NRXN3: variants seen among roughly 807,000 people sequenced by gnomAD.
NRXN3 encodes neurexin III.
A neutral mutation model predicts 137.6 loss-of-function variants in NRXN3; 32 were observed. That is an observed-to-expected ratio of 0.23 (90% CI 0.18 to 0.31). The LOEUF is 0.31. NRXN3 is among the 10% of genes least tolerant of loss of function. The pLI, the probability that NRXN3 is intolerant of heterozygous loss-of-function variation, is 1.00. For missense variants in NRXN3, 1,574 were observed against 2,062.5 expected, an observed-to-expected ratio of 0.76 and a Z score of 4.59; for synonymous variants, 798 against 784.5, an observed-to-expected ratio of 1.02 and a Z score of -0.29.
intron 4 of NRXN3, among the ~76,000 whole-genome samples, chr14:78,490,528 T>G (rs1033237326): frequency 1.3e-5 from 2 of 152,222 alleles, no homozygotes; most frequent in African/African-American, 4.8e-5. Flanking sequence ...TGTCCCCATG[T>G]CCTGCCTCAG....
chr14:79,324,881 A>G (rs2090619138), intron 15 of NRXN3, among the ~76,000 whole-genome samples: 1 of 152,224 alleles, frequency 6.6e-6, no homozygotes, highest in Non-Finnish European at 1.5e-5. Context: ...ATATGTGCAT[A>G]TACATGTGTG....
chr14:79,044,192 C>A (rs138705731), intron 15 of NRXN3, among the ~76,000 whole-genome samples: 149 of 152,348 alleles, frequency 9.8e-4, no homozygotes, highest in African/African-American at 3.5e-3. Flanking sequence ...CTTTCAACAT[C>A]TATCTCTGAT....
chr14:78,845,816 T>C (rs2099025025), intron 10 of NRXN3, among the ~76,000 whole-genome samples: 1 of 152,038 alleles, frequency 6.6e-6, no homozygotes, highest in South Asian at 2.1e-4. Context: ...ATTATTTTCA[T>C]ATCTTCATAT....
intron 15 of NRXN3, among the ~76,000 whole-genome samples, chr14:79,070,404 C>T (rs1324389857): frequency 6.6e-6 from 1 of 152,196 alleles, no homozygotes; most frequent in African/African-American, 2.4e-5. Flanking sequence ...TGTGGCCACT[C>T]TTTGTCAGCT....
chr14:79,299,469 A>G (rs2084769341), intron 15 of NRXN3, among the ~76,000 whole-genome samples: 1 of 152,146 alleles, frequency 6.6e-6, no homozygotes, highest in African/African-American at 2.4e-5. Context: ...GCAACTACAG[A>G]CAATATGCAA....
At chr14:79,330,075 C>G (rs1433530115) in intron 15 of NRXN3, among the ~76,000 whole-genome samples, 1 of 151,952 alleles carries the variant, frequency 6.6e-6, no homozygotes, top group African/African-American at 2.4e-5. Context: ...CATGATCTGC[C>G]CGCCTCGGCC....
At chr14:78,341,292 G>A (rs1413179865) in intron 4 of NRXN3, among the ~76,000 whole-genome samples, 3 of 152,182 alleles carry the variant, frequency 2.0e-5, no homozygotes, top group Non-Finnish European at 4.4e-5. Context: ...ATCACCTGGA[G>A]ATTCTGGTTT....
chr14:78,635,338 G>T (rs1461536893), intron 4 of NRXN3, among the ~76,000 whole-genome samples: 1 of 152,116 alleles, frequency 6.6e-6, no homozygotes, highest in Admixed American at 6.5e-5. Flanking sequence ...CTAAATATCT[G>T]TATGAGTTTT....
chr14:79,823,856 A>AT (rs2099280294), intron 20 of NRXN3: 1 of 433,638 alleles, frequency 2.3e-6, no homozygotes, highest in Non-Finnish European at 4.7e-6. Flanking sequence ...AGGGCTCTAT[A>AT]TAGCTTAACA....
intron 10 of NRXN3, among the ~76,000 whole-genome samples, chr14:78,912,600 GGA>G (rs2099242029): frequency 6.6e-6 from 1 of 152,084 alleles, no homozygotes; most frequent in African/African-American, 2.4e-5. Flanking sequence ...TGTAAAGGAT[GGA>G]AAACGCAGAT....
chr14:78,180,837 T>TGGGG (rs2059744996), intron 1 of NRXN3, among the ~76,000 whole-genome samples: 1 of 152,208 alleles, frequency 6.6e-6, no homozygotes, highest in South Asian at 2.1e-4. Context: ...AAGCCTGTTT[T>TGGGG]GGGGTGTTTG....
intron 16 of NRXN3, among the ~76,000 whole-genome samples, chr14:79,529,471 GTATAAAACAA>G (rs538079040): frequency 2.9e-4 from 44 of 152,188 alleles, no homozygotes; most frequent in Non-Finnish European, 5.6e-4. Flanking sequence ...CAGGTACTGA[GTATAAAACAA>G]TATAAAACAA....
At chr14:78,545,646 C>T (rs955630816) in intron 4 of NRXN3, among the ~76,000 whole-genome samples, 1 of 151,926 alleles carries the variant, frequency 6.6e-6, no homozygotes, top group Non-Finnish European at 1.5e-5. Flanking sequence ...AGAATAAATA[C>T]AAAAAAGTTT....
intron 4 of NRXN3, among the ~76,000 whole-genome samples, chr14:78,533,133 T>C (rs1307636623): frequency 6.8e-6 from 1 of 146,926 alleles, no homozygotes; most frequent in Non-Finnish European, 1.5e-5. Context: ...GGAGTCTTGC[T>C]CTGTCGCCCA....
chr14:79,166,899 G>T (rs1198578040), intron 15 of NRXN3, among the ~76,000 whole-genome samples: 1 of 151,878 alleles, frequency 6.6e-6, no homozygotes, highest in Non-Finnish European at 1.5e-5. Flanking sequence ...TAAATAAAGT[G>T]CCTGGCACAC....
chr14:78,408,500 A>G (rs2092635630), intron 4 of NRXN3, among the ~76,000 whole-genome samples: 1 of 152,224 alleles, frequency 6.6e-6, no homozygotes, highest in Non-Finnish European at 1.5e-5. Context: ...TTTCACCATC[A>G]GAATTGCCTC....
intron 20 of NRXN3, among the ~76,000 whole-genome samples, chr14:79,809,930 A>C (rs147844360): frequency 6.6e-6 from 1 of 152,360 alleles, no homozygotes; most frequent in Non-Finnish European, 1.5e-5. Context: ...AATTAAGATC[A>C]TTAGTAAATT....
chr14:79,482,487 T>C (rs531064875), intron 16 of NRXN3, among the ~76,000 whole-genome samples: 2 of 152,308 alleles, frequency 1.3e-5, no homozygotes, highest in South Asian at 2.1e-4. Context: ...ACAACCACTA[T>C]AGTTTGTTTT....
chr14:79,728,613 A>T (rs2098907191), intron 19 of NRXN3, among the ~76,000 whole-genome samples: 1 of 152,244 alleles, frequency 6.6e-6, no homozygotes, highest in Non-Finnish European at 1.5e-5. Context: ...TCAGTGCAGT[A>T]CAAGCAGTTT....
Sources: gnomAD v4.1 joint callset for allele counts (sites outside exome capture counted in the v4.1 genomes callset) on GRCh38, gnomAD v4.1.1 for gene constraint, MANE v1.5 for transcripts, NCBI Gene and HGNC (gene_info 2026-07-23, HGNC 2026-07-21) for gene names.